The following PDE6B variants were observed in gnomAD, a reference collection of about 807,000 sequenced individuals.
The protein encoded by PDE6B is rod cGMP-specific 3',5'-cyclic phosphodiesterase subunit beta.
PDE6B carries 106 observed loss-of-function variants against 109.0 expected under a neutral mutation model. The observed-to-expected ratio is 0.97, with a 90% CI of 0.83 to 1.14. The LOEUF is 1.14. PDE6B is among the 50% of genes most tolerant of loss of function. The probability of loss-of-function intolerance (pLI) is 0.00; values close to 1 mark genes in which losing one functional copy is unlikely to be tolerated. For missense variants in PDE6B, 1,193 were observed against 1,155.6 expected (o/e 1.03, Z -0.47); for synonymous variants, 490 against 471.3 (o/e 1.04, Z -0.51).
In PDE6B at chr4:665,366, G is replaced by A. The variant is rs1194861909; in HGVS notation, c.2268+37G>A. 5.6e-6 allele frequency: 8 copies of A among 1,437,722 alleles called. No homozygotes were observed. The highest frequency in any genetic ancestry group is 2.3e-5 in the East Asian group (1 of 43,998). The allele number at this position is 1,437,722 out of a possible 1,614,324, so 89.1% of individuals were successfully genotyped here. On this transcript the variant is annotated intron_variant, in intron 19 of 21. Coordinates refer to ENST00000496514, the MANE Select transcript of PDE6B (RefSeq NM_000283.4). The surrounding 1 kb of genome is among the most constrained non-coding windows in gnomAD (Gnocchi z 4.0). ...TTCTGGAACCTTCCACTCCTGAAAC[G>A]GGTGTTAGAGACCCCTCTTGGTCCT... is the stretch of plus-strand genomic sequence containing the variant.
intron 3 of PDE6B, among the ~76,000 whole-genome samples, chr4:647,333 T>C (rs535823059): frequency 6.6e-5 from 10 of 152,150 alleles, no homozygotes; most frequent in African/African-American, 2.4e-4. Context: ...AGTGTGGGAT[T>C]TGGGGTCCAT....
intron 7 of PDE6B, 39 bp downstream of exon 7, chr4:656,045 C>A: frequency 1.5e-6 from 2 of 1,337,680 alleles, no homozygotes; most frequent in South Asian, 1.2e-5. Context: ...CAGCCTTGCC[C>A]TCACTGGGTG....
chr4:650,610 G>T (rs939086521), intron 3 of PDE6B, among the ~76,000 whole-genome samples: 2 of 152,224 alleles, frequency 1.3e-5, no homozygotes, highest in African/African-American at 4.8e-5. Context: ...AACCACCCAG[G>T]CACCAAGACT....
At chr4:658,185 A>G (rs1178534795) in intron 10 of PDE6B, among the ~76,000 whole-genome samples, 5 of 75,182 alleles carry the variant, frequency 6.7e-5, no homozygotes, top group African/African-American at 1.6e-4. Flanking sequence ...GGTGGGGGCA[A>G]GTCGCCAGGG....
At chr4:654,424 A>G (rs1195081688) in intron 5 of PDE6B, 3 of 626,472 alleles carry the variant, frequency 4.8e-6, no homozygotes, top group Non-Finnish European at 8.7e-6. Context: ...CTGCTGCCCC[A>G]TCTCCCCACG....
Position 662,204 on chromosome 4 carries a change from G to A in PDE6B, c.1685G>A (p.Gly562Asp), listed in dbSNP as rs774268095. 4.9e-5 allele frequency: 78 copies of A among 1,576,712 alleles called. No homozygotes were observed. The highest frequency in any genetic ancestry group is 6.1e-5 in the Non-Finnish European group (71 of 1,160,470). The change falls in exon 13 of 22, where the codon GGC becomes GAC. Residue 562 changes from glycine to aspartate, a missense_variant. Coordinates refer to ENST00000496514, the MANE Select transcript of PDE6B (RefSeq NM_000283.4). This position sits in a 1 kb window ranked among gnomAD's most constrained non-coding sequence, Gnocchi z 4.3. ...RRITYHNWRH[G>D]FNVAQTMFTL... ...ATCACCTACCACAACTGGCGCCACG[G>A]CTTCAACGTGGCCCAGACGATGTTC...
At chr4:656,421 T>A in intron 8 of PDE6B, 129 bp downstream of exon 8, 1 of 751,252 alleles carries the variant, frequency 1.3e-6, no homozygotes, top group Admixed American at 1.8e-5. Context: ...GGCTCACGCC[T>A]GTAATCCCAG....
In PDE6B at chr4:665,923, G is replaced by A. The variant is rs972537691; in HGVS notation, c.2268+594G>A. ...GGCTCTCTGGAGCCTGCAGTGGAGA[G>A]GGCTTAGGCCAGGTGCAGCCTCGGC... On this transcript the variant is annotated intron_variant, in intron 19 of 21. Transcript: ENST00000496514. This position sits in a 1 kb window ranked among gnomAD's most constrained non-coding sequence, Gnocchi z 4.0. Among the ~76,000 whole-genome samples, 3 of 152,192 alleles carry A rather than the reference G, an allele frequency of 2.0e-5. No individual in the cohort carries two copies. Among genetic ancestry groups the A allele is most frequent in the African/African-American group, 7.2e-5 (3 of 41,452 alleles).
rs556449561 is a variant in PDE6B, at chr4:665,192, CG to C, written c.2194-60del. The C allele has an allele frequency of 7.5e-5, 92 of 1,226,816 alleles. No individual in the cohort carries two copies. The African/African-American group carries it at 1.2e-3, about 17-fold the overall frequency. The allele number at this position is 1,226,816 out of a possible 1,614,324, so 76.0% of individuals were successfully genotyped here. Reference sequence around the variant, plus strand: ...GACCGAGGCTCGGAGCCTCACGGGGCGGGCCCGGGCCCTTCCGCGTGGGCTC... The same window carrying C: ...GACCGAGGCTCGGAGCCTCACGGGGCGGCCCGGGCCCTTCCGCGTGGGCTC... On this transcript the variant is annotated intron_variant, in intron 18 of 21. Coordinates refer to ENST00000496514, the MANE Select transcript of PDE6B (RefSeq NM_000283.4). This position sits in a 1 kb window ranked among gnomAD's most constrained non-coding sequence, Gnocchi z 4.0.
chr4:640,622 A>G (rs1294918138), intron 3 of PDE6B, among the ~76,000 whole-genome samples: 20 of 152,146 alleles, frequency 1.3e-4, no homozygotes. Flanking sequence ...CACTAAACCC[A>G]AGGTCACCTA....
intron 3 of PDE6B, among the ~76,000 whole-genome samples, chr4:650,825 G>C (rs1331526679): frequency 6.6e-6 from 1 of 152,292 alleles, no homozygotes; most frequent in African/African-American, 2.4e-5. Context: ...GGAATGCCCT[G>C]AGCCCGAGCC....
rs752437687 is a variant in PDE6B at position 663,844 on chromosome 4, C to G, written c.1995C>G (p.Ile665Met). 6.8e-6 allele frequency: 11 copies of G among 1,611,712 alleles called. No homozygotes were observed. The highest frequency in any genetic ancestry group is 9.3e-6 in the Non-Finnish European group (11 of 1,178,974). The change falls in exon 16 of 22, where the codon ATC (isoleucine) becomes ATG (methionine). Residue 665 changes from isoleucine to methionine, a missense_variant. Transcript: ENST00000496514. This position sits in a 1 kb window ranked among gnomAD's most constrained non-coding sequence, Gnocchi z 4.0. The part of the protein sequence containing the change: ...HVIHLMDIAI[I>M]ATDLALYFKK... ...TCCACCTGATGGACATCGCCATCAT[C>G]GCCACGGACCTGGCCCTGTACTTCA...
At chr4:645,362 C>G (rs1182397336) in intron 3 of PDE6B, among the ~76,000 whole-genome samples, 2 of 142,648 alleles carry the variant, frequency 1.4e-5, no homozygotes, top group African/African-American at 5.2e-5. Flanking sequence ...GTGGCGCGAT[C>G]TCGGCTCACT....
chr4:661,871 G>T, intron 12 of PDE6B: 1 of 519,138 alleles, frequency 1.9e-6, no homozygotes, highest in Non-Finnish European at 3.5e-6. Flanking sequence ...GATGGAGGCT[G>T]GGCGGCCCCT....
chr4:656,511 G>A lies in PDE6B; in HGVS notation c.1107+219G>A, dbSNP rs1023119774. 1.1e-4 allele frequency among the ~76,000 whole-genome samples: 17 copies of A among 150,296 alleles called. No individual in the cohort carries two copies. The highest frequency in any genetic ancestry group is 2.0e-4 in the East Asian group (1 of 5,034). ...CACACGCCCGCAAGGCCGTGACCGC[G>A]GCCCCCACACACCCCTGCGAGGCCG... On this transcript the variant is annotated intron_variant, in intron 8 of 21. Transcript: ENST00000496514.
In PDE6B at chr4:647,956, C is replaced by T. The variant is rs977928756; in HGVS notation, c.712-5896C>T. On this transcript the variant is annotated intron_variant, in intron 3 of 21. Coordinates refer to ENST00000496514, the MANE Select transcript of PDE6B (RefSeq NM_000283.4). ...TGGGCGTGGTGGTGCATGCCTATAA[C>T]CCCAGCTACTCAGGAGGCTGAGGCA... 3.3e-5 allele frequency among the ~76,000 whole-genome samples: 5 copies of T among 151,782 alleles called. No homozygotes were observed. The South Asian group carries it at 1.0e-3, about 32-fold the overall frequency.
chr4:645,883 GC>G (rs1244076690), intron 3 of PDE6B, among the ~76,000 whole-genome samples: 1 of 151,938 alleles, frequency 6.6e-6, no homozygotes, highest in Non-Finnish European at 1.5e-5. Flanking sequence ...TTAGAGTGTG[GC>G]TATCTTACCA....
intron 3 of PDE6B, among the ~76,000 whole-genome samples, chr4:642,073 G>A (rs891419388): frequency 5.3e-5 from 8 of 152,152 alleles, no homozygotes; most frequent in Non-Finnish European, 1.2e-4. Context: ...TATTGCACTA[G>A]CTAGGACTTC....
rs1438053910 is a variant in PDE6B, at chr4:670,432, G to A, written c.*325G>A. On this transcript the variant is annotated 3_prime_UTR_variant, in exon 22 of 22. Transcript: ENST00000496514. ...TAATTTTTGTATTTTCAGTACAGAT[G>A]GGGTTTCACCATATTGGGCAGGCTG... is the stretch of plus-strand genomic sequence containing the variant. The A allele has an allele frequency of 3.0e-6, 1 of 329,838 alleles. No homozygotes were observed. The highest frequency in any genetic ancestry group is 5.8e-6 in the Non-Finnish European group (1 of 171,444). 20.4% of individuals were successfully genotyped at this position (329,838 alleles called of 1,614,324 possible). A position where few individuals can be genotyped will look rare whatever the true frequency, so the allele number is the denominator to read the frequency against.
Sources: allele counts gnomAD v4.1 joint callset (sites outside exome capture counted in the v4.1 genomes callset), GRCh38; gene constraint gnomAD v4.1.1; non-coding constraint Gnocchi (gnomAD v3.1); transcripts MANE v1.5; gene names NCBI Gene and HGNC (gene_info 2026-07-23, HGNC 2026-07-21).